The following AMBRA1 variants were observed in gnomAD, a reference collection of about 807,000 sequenced individuals.
AMBRA1 encodes activating molecule in BECN1-regulated autophagy protein 1.
AMBRA1 carries 47 observed loss-of-function variants against 125.4 expected under a neutral mutation model. That is an observed-to-expected ratio of 0.37 (90% CI 0.30 to 0.48). AMBRA1 has a LOEUF of 0.48. AMBRA1 is among the 20% of genes least tolerant of loss of function. The pLI, the probability that AMBRA1 is intolerant of heterozygous loss-of-function variation, is 0.99. For missense variants in AMBRA1, 1,331 were observed against 1,693.4 expected, an observed-to-expected ratio of 0.79 and a Z score of 3.76; for synonymous variants, 626 against 655.5, an observed-to-expected ratio of 0.95 and a Z score of 0.69.
intron 14 of AMBRA1, among the ~76,000 whole-genome samples, chr11:46,425,707 C>T (rs1369131501): frequency 2.6e-5 from 4 of 152,034 alleles, no homozygotes; most frequent in African/African-American, 7.2e-5. Flanking sequence ...GGGGTGGTGG[C>T]ATGCACCTGT....
At chr11:46,464,400 A>C (rs1949234627) in intron 11 of AMBRA1, among the ~76,000 whole-genome samples, 1 of 152,156 alleles carries the variant, frequency 6.6e-6, no homozygotes, top group South Asian at 2.1e-4. Context: ...TGGATTTAAT[A>C]ATTCACTATG....
At chr11:46,541,100 T>C (rs1952715119) in intron 7 of AMBRA1, among the ~76,000 whole-genome samples, 1 of 152,218 alleles carries the variant, frequency 6.6e-6, no homozygotes, top group Non-Finnish European at 1.5e-5. Flanking sequence ...TTCTTGGAGT[T>C]GGTGATTATG....
rs1259509855 is a variant in AMBRA1 at position 46,514,216 on chromosome 11, T to G, written c.2073-1403A>C. On this transcript the variant is annotated intron_variant, in intron 7 of 17. Coordinates refer to ENST00000683756, the MANE Select transcript of AMBRA1 (RefSeq NM_001387011.1). ...ATTCAATTCACTGTTACTAAAACCATCTGGCTTTAGGTATAGTCCTGTGCG... is the reference window on the plus strand; with the variant it reads ...ATTCAATTCACTGTTACTAAAACCAGCTGGCTTTAGGTATAGTCCTGTGCG... 1.3e-4 allele frequency among the ~76,000 whole-genome samples: 20 copies of G among 152,224 alleles called. 1 individual carries two copies. The highest frequency in any genetic ancestry group is 1.3e-3 in the Admixed American group (20 of 15,278).
At position 46,481,564 on chromosome 11, in the gene AMBRA1, T is replaced by C. The variant is rs373046842; in HGVS notation, c.2521+12044A>G. ...TTTTAGCAGAGATAGGGTTTCTCCA[T>C]GTTGGTCAGGCTGGTCTCGAACTCC... On this transcript the variant is annotated intron_variant, in intron 11 of 17. Transcript: ENST00000683756. 4.6e-5 allele frequency among the ~76,000 whole-genome samples: 7 copies of C among 152,266 alleles called. 1 individual carries two copies. The East Asian group carries it at 1.4e-3, about 29-fold the overall frequency.
intron 1 of AMBRA1, among the ~76,000 whole-genome samples, chr11:46,560,649 A>G (rs2043301747): frequency 6.6e-6 from 1 of 152,218 alleles, no homozygotes; most frequent in African/African-American, 2.4e-5. Context: ...GAACACAAGA[A>G]CTCCTAAAAA....
At chr11:46,464,980 G>A (rs1949261753) in intron 11 of AMBRA1, among the ~76,000 whole-genome samples, 3 of 152,094 alleles carry the variant, frequency 2.0e-5, no homozygotes, top group African/African-American at 7.2e-5. Flanking sequence ...GGAGGTGGAG[G>A]TTGCAGTGAG....
At position 46,465,061 on chromosome 11, in the gene AMBRA1, AT is replaced by A. The variant is rs199674607; in HGVS notation, c.2522-21464del. Among the ~76,000 whole-genome samples the A allele has an allele frequency of 1.9e-3, 295 of 152,180 alleles. 1 individual carries two copies. The highest frequency in any genetic ancestry group is 6.4e-3 in the African/African-American group (266 of 41,510). ...CCCTCTCAAAAAATAAAAATAAAAAATAAAAAAAAATAAACACCAAGACAAT... is the reference window on the plus strand; with the variant it reads ...CCCTCTCAAAAAATAAAAATAAAAAAAAAAAAAAATAAACACCAAGACAAT... On this transcript the variant is annotated intron_variant, in intron 11 of 17. Coordinates refer to ENST00000683756, the MANE Select transcript of AMBRA1 (RefSeq NM_001387011.1).
At chr11:46,472,169 C>CGCTT (rs1380617749) in intron 11 of AMBRA1, among the ~76,000 whole-genome samples, 1 of 152,150 alleles carries the variant, frequency 6.6e-6, no homozygotes, top group African/African-American at 2.4e-5. Context: ...CTGCTGTGAC[C>CGCTT]GCTTCTATTT....
At chr11:46,501,841 A>G (rs1363451318) in intron 9 of AMBRA1, among the ~76,000 whole-genome samples, 1 of 152,228 alleles carries the variant, frequency 6.6e-6, no homozygotes, top group Non-Finnish European at 1.5e-5. Context: ...ACAGGAACTT[A>G]ACTCTTGTTC....
chr11:46,499,333 C>G (rs1367439065), intron 9 of AMBRA1, among the ~76,000 whole-genome samples: 2 of 152,180 alleles, frequency 1.3e-5, no homozygotes, highest in African/African-American at 4.8e-5. Flanking sequence ...CCATTCTAAG[C>G]CCAAGCACAA....
chr11:46,435,229 C>T (rs1947663712), intron 12 of AMBRA1, among the ~76,000 whole-genome samples, 192 bp from the exon 13 acceptor site: 1 of 152,196 alleles, frequency 6.6e-6, no homozygotes, highest in Non-Finnish European at 1.5e-5. Flanking sequence ...TGTCTCTTCT[C>T]CCACCTTAGC....
chr11:46,564,106 T>C (rs1283040430), intron 1 of AMBRA1, among the ~76,000 whole-genome samples: 1 of 139,916 alleles, frequency 7.1e-6, no homozygotes, highest in Admixed American at 7.7e-5. Context: ...ATGGCGCCAT[T>C]GCACTCCACT....
chr11:46,503,953 C>T (rs879943572), intron 9 of AMBRA1, among the ~76,000 whole-genome samples: 6 of 152,186 alleles, frequency 3.9e-5, no homozygotes, highest in South Asian at 2.1e-4. Flanking sequence ...CTTGCTTCAA[C>T]CTCCCAAAGT....
At chr11:46,429,858 T>C (rs979191115) in intron 14 of AMBRA1, among the ~76,000 whole-genome samples, 3 of 151,988 alleles carry the variant, frequency 2.0e-5, no homozygotes, top group Admixed American at 1.3e-4. Context: ...TCTAAAAGCT[T>C]AACCTAAAAA....
intron 9 of AMBRA1, among the ~76,000 whole-genome samples, chr11:46,501,072 C>T (rs781181966): frequency 1.3e-5 from 2 of 152,222 alleles, no homozygotes; most frequent in African/African-American, 4.8e-5. Flanking sequence ...CTAGCCACAC[C>T]TATCAACAAA....
At chr11:46,406,976 C>T (rs941235976) in intron 17 of AMBRA1, among the ~76,000 whole-genome samples, 25 of 151,852 alleles carry the variant, frequency 1.6e-4, no homozygotes, top group African/African-American at 4.8e-4. Flanking sequence ...GTCAGGAGTT[C>T]GAGACCAGCC....
At chr11:46,415,868 C>CAT (rs1946519139) in intron 15 of AMBRA1, among the ~76,000 whole-genome samples, 1 of 152,198 alleles carries the variant, frequency 6.6e-6, no homozygotes, top group African/African-American at 2.4e-5. Context: ...GCTGGAGCAA[C>CAT]ATATGGGGAG....
At chr11:46,409,361 C>T (rs1400471530) in intron 16 of AMBRA1, among the ~76,000 whole-genome samples, 2 of 152,084 alleles carry the variant, frequency 1.3e-5, no homozygotes, top group Non-Finnish European at 2.9e-5. Flanking sequence ...CCACCATGCT[C>T]GGCTAATTTT....
chr11:46,485,396 C>T (rs1950230820), intron 11 of AMBRA1, among the ~76,000 whole-genome samples: 1 of 152,204 alleles, frequency 6.6e-6, no homozygotes, highest in South Asian at 2.1e-4. Flanking sequence ...TCAAACTGTA[C>T]GAAAGACAAA....
Sources: gnomAD v4.1 joint callset for allele counts (sites outside exome capture counted in the v4.1 genomes callset) on GRCh38, gnomAD v4.1.1 for gene constraint, MANE v1.5 for transcripts, NCBI Gene and HGNC (gene_info 2026-07-23, HGNC 2026-07-21) for gene names.